Variants in FAM117B observed in about 807,000 individuals in gnomAD.
The protein encoded by FAM117B is family with sequence similarity 117 member B.
A neutral mutation model predicts 52.8 loss-of-function variants in FAM117B; 22 were observed. The ratio of observed to expected loss-of-function variants is 0.42; its 90% confidence interval spans 0.30 to 0.59. The LOEUF is 0.59. FAM117B is among the 20% of genes least tolerant of loss of function. The probability of loss-of-function intolerance (pLI) is 0.22; values close to 1 mark genes in which losing one functional copy is unlikely to be tolerated. For missense variants in FAM117B, 678 were observed against 802.6 expected, an observed-to-expected ratio of 0.84 and a Z score of 1.88; for synonymous variants, 309 against 324.1, an observed-to-expected ratio of 0.95 and a Z score of 0.50.
chr2:202,639,114 G>A (rs1017633718), intron 1 of FAM117B, among the ~76,000 whole-genome samples: 4 of 152,126 alleles, frequency 2.6e-5, no homozygotes, highest in South Asian at 2.1e-4. Flanking sequence ...AATCCCTACC[G>A]TAAAGGGTAA....
At chr2:202,764,310 G>C (rs1014070586) in intron 7 of FAM117B, among the ~76,000 whole-genome samples, 26 of 152,016 alleles carry the variant, frequency 1.7e-4, no homozygotes, top group African/African-American at 5.8e-4. Context: ...TGCTGTCCAG[G>C]CTGGAGTGCA....
intron 1 of FAM117B, among the ~76,000 whole-genome samples, chr2:202,690,099 A>G (rs1383901939): frequency 2.0e-5 from 3 of 152,176 alleles, no homozygotes; most frequent in South Asian, 2.1e-4. Flanking sequence ...TTGAACAGGT[A>G]CTCATAGTTG....
At position 202,664,780 on chromosome 2, in the gene FAM117B, T is replaced by C. The variant is rs991206766; in HGVS notation, c.601+28992T>C. 3.9e-5 allele frequency among the ~76,000 whole-genome samples: 6 copies of C among 152,172 alleles called. No homozygotes were observed. The East Asian group carries it at 9.6e-4, about 24-fold the overall frequency. ...ACCGTAGTAGTTTTGGCCTCGCTTA[T>C]AAGAAGTCAGTCTGAAGGAATTACG... On this transcript the variant is annotated intron_variant, in intron 1 of 7. Coordinates refer to ENST00000392238, the MANE Select transcript of FAM117B (RefSeq NM_173511.4).
At chr2:202,673,608 C>T (rs148094814) in intron 1 of FAM117B, among the ~76,000 whole-genome samples, 3,103 of 151,606 alleles carry the variant, frequency 0.02, 98 homozygotes, top group African/African-American at 0.071. Flanking sequence ...CCACCACACC[C>T]GGCTAATTCT....
At chr2:202,644,064 G>GTTTTTTTTTTTTTTTTTTTTTC (rs1161026426) in intron 1 of FAM117B, among the ~76,000 whole-genome samples, 1 of 95,138 alleles carries the variant, frequency 1.1e-5, no homozygotes, top group Non-Finnish European at 1.9e-5. Context: ...TTTTTTTTTT[G>GTTTTTTTTTTTTTTTTTTTTTC]TTTTTTTTTT....
At chr2:202,747,696 G>T (rs1452939103) in intron 4 of FAM117B, among the ~76,000 whole-genome samples, 4 of 151,818 alleles carry the variant, frequency 2.6e-5, no homozygotes, top group Non-Finnish European at 5.9e-5. Context: ...AAGCAATTCA[G>T]GTTACAATAG....
chr2:202,742,644 A>G (rs1691561198), intron 4 of FAM117B, among the ~76,000 whole-genome samples: 1 of 152,232 alleles, frequency 6.6e-6, no homozygotes, highest in African/African-American at 2.4e-5. Context: ...CTCAAAATTC[A>G]TAATCAACAA....
intron 1 of FAM117B, among the ~76,000 whole-genome samples, chr2:202,691,696 T>C (rs62194139): frequency 0.042 from 5,379 of 129,334 alleles, 101 homozygotes; most frequent in East Asian, 0.077. Context: ...TGTGTGTGTG[T>C]GTGCGCGCGC....
At chr2:202,671,594 A>C (rs1275702749) in intron 1 of FAM117B, among the ~76,000 whole-genome samples, 1 of 152,240 alleles carries the variant, frequency 6.6e-6, no homozygotes, top group African/African-American at 2.4e-5. Flanking sequence ...GGTGTTCTCC[A>C]CACTGGCTGT....
At chr2:202,756,887 A>G (rs974316157) in intron 5 of FAM117B, among the ~76,000 whole-genome samples, 3 of 152,160 alleles carry the variant, frequency 2.0e-5, no homozygotes, top group African/African-American at 7.2e-5. Flanking sequence ...CTAGTGTTAC[A>G]CCTAGATTTC....
At chr2:202,765,276 T>C (rs1691957318) in intron 7 of FAM117B, among the ~76,000 whole-genome samples, 170 bp from the exon 8 acceptor site, 1 of 152,134 alleles carries the variant, frequency 6.6e-6, no homozygotes, top group African/African-American at 2.4e-5. Flanking sequence ...GATAGCACTT[T>C]GGTCCTTTAT....
In FAM117B at chr2:202,757,311, CAG is replaced by C. The variant is rs765420686; in HGVS notation, c.1204_1205del (p.Arg402GlyfsTer22). 1.9e-6 allele frequency: 3 copies of C among 1,614,118 alleles called. No individual in the cohort carries two copies. The highest frequency in any genetic ancestry group is 1.7e-5 in the Admixed American group (1 of 60,018). On this transcript the variant is annotated frameshift_variant, in exon 6 of 8. Coordinates refer to ENST00000392238, the MANE Select transcript of FAM117B (RefSeq NM_173511.4). LOFTEE classifies it high-confidence loss of function. ...ACACACAGACGCCTGGTGGGGCAGA[CAG>C]GGGAAGCAACAACAGCAGCCGTTCC... is the stretch of plus-strand genomic sequence containing the variant. ...IDTQTPGGAD[R>X]GSNNSSRSQS...
In FAM117B at chr2:202,766,061, A is replaced by AACACACACACACACACAC. The variant is rs34556556; in HGVS notation, c.*326_*343dup. On this transcript the variant is annotated 3_prime_UTR_variant, in exon 8 of 8. Coordinates refer to ENST00000392238, the MANE Select transcript of FAM117B (RefSeq NM_173511.4). ...TTGTTTTCGAATTAGACTTCTTTAA[A>AACACACACACACACACAC]ACACACACACACACACACACACACA... 112 of 203,092 alleles carry AACACACACACACACACAC rather than the reference A, an allele frequency of 5.5e-4. No homozygotes were observed. The highest frequency in any genetic ancestry group is 1.0e-3 in the East Asian group (7 of 6,970). 12.6% of individuals were successfully genotyped at this position (203,092 alleles called of 1,614,324 possible).
At chr2:202,656,662 G>A (rs983192868) in intron 1 of FAM117B, among the ~76,000 whole-genome samples, 4 of 152,070 alleles carry the variant, frequency 2.6e-5, no homozygotes, top group African/African-American at 9.7e-5. Flanking sequence ...CTTGTGTATT[G>A]TGCTGTTGTT....
intron 5 of FAM117B, among the ~76,000 whole-genome samples, chr2:202,756,739 A>AT (rs1362154021): frequency 6.6e-6 from 1 of 151,920 alleles, no homozygotes; most frequent in Admixed American, 6.6e-5. Context: ...TGTGTACTTG[A>AT]TTTTCTCCCC....
intron 4 of FAM117B, among the ~76,000 whole-genome samples, chr2:202,737,765 C>A (rs540126843): frequency 1.8e-4 from 27 of 152,136 alleles, no homozygotes; most frequent in South Asian, 4.2e-4. Context: ...CCACGCCCAG[C>A]TAATTTTTGT....
intron 2 of FAM117B, among the ~76,000 whole-genome samples, chr2:202,720,678 A>G (rs1020710446): frequency 6.6e-6 from 1 of 151,908 alleles, no homozygotes; most frequent in African/African-American, 2.4e-5. Context: ...TTCCACATTC[A>G]TACATTGCAC....
chr2:202,667,980 T>G (rs532788723), intron 1 of FAM117B, among the ~76,000 whole-genome samples: 2 of 151,234 alleles, frequency 1.3e-5, no homozygotes, highest in Non-Finnish European at 2.9e-5. Context: ...TCTAGCACTT[T>G]GGGAGGCCCA....
At chr2:202,690,436 T>G (rs1278330772) in intron 1 of FAM117B, among the ~76,000 whole-genome samples, 2 of 152,034 alleles carry the variant, frequency 1.3e-5, no homozygotes, top group African/African-American at 2.4e-5. Context: ...ATCACTGGGA[T>G]GGGGGGTGGG....
Sources: gnomAD v4.1 joint callset for allele counts (sites outside exome capture counted in the v4.1 genomes callset) on GRCh38, gnomAD v4.1.1 for gene constraint, MANE v1.5 for transcripts, NCBI Gene and HGNC (gene_info 2026-07-23, HGNC 2026-07-21) for gene names.